The following CAMK4 variants were observed in gnomAD, a reference collection of about 807,000 sequenced individuals.
CAMK4 encodes calcium/calmodulin dependent protein kinase IV.
A neutral mutation model predicts 44.9 loss-of-function variants in CAMK4; 22 were observed. That is an observed-to-expected ratio of 0.49 (90% CI 0.35 to 0.70). The LOEUF is 0.70. Ranked by LOEUF, CAMK4 falls within the 30% of genes least tolerant of loss-of-function variation. CAMK4 has a pLI of 0.01. For missense variants in CAMK4, 498 were observed against 586.8 expected, an observed-to-expected ratio of 0.85 and a Z score of 1.56; for synonymous variants, 218 against 215.4, an observed-to-expected ratio of 1.01 and a Z score of -0.11.
In CAMK4 at chr5:111,405,281, A is replaced by C. The variant is rs535258020; in HGVS notation, c.459+10499A>C. On this transcript the variant is annotated intron_variant, in intron 5 of 10. Coordinates refer to ENST00000282356, the MANE Select transcript of CAMK4 (RefSeq NM_001744.6). ...TCAAGAAATTGAGACCATCCTGGCC[A>C]ACGTGGTGAAACCCCATCTCTACTA... 7.9e-5 allele frequency among the ~76,000 whole-genome samples: 12 copies of C among 152,316 alleles called. No homozygotes were observed. In the South Asian group the frequency reaches 2.3e-3, roughly 29 times the overall value.
intron 2 of CAMK4, among the ~76,000 whole-genome samples, chr5:111,364,527 T>A (rs1750716482): frequency 6.6e-6 from 1 of 152,108 alleles, no homozygotes; most frequent in African/African-American, 2.4e-5. Flanking sequence ...GTATTTAGAA[T>A]CTAAGAATGA....
At chr5:111,404,736 C>T (rs1403984959) in intron 5 of CAMK4, among the ~76,000 whole-genome samples, 7 of 152,250 alleles carry the variant, frequency 4.6e-5, no homozygotes, top group Admixed American at 2.0e-4. Flanking sequence ...TTTGACCTCC[C>T]GTCCCATCAT....
chr5:111,392,763 A>G (rs1156988961), intron 4 of CAMK4, among the ~76,000 whole-genome samples: 1 of 152,162 alleles, frequency 6.6e-6, no homozygotes, highest in African/African-American at 2.4e-5. Context: ...AATTAGAAAA[A>G]TACTACCTGC....
chr5:111,392,859 T>C (rs1751853230), intron 4 of CAMK4, among the ~76,000 whole-genome samples: 2 of 152,170 alleles, frequency 1.3e-5, no homozygotes, highest in South Asian at 2.1e-4. Flanking sequence ...TATTATATTA[T>C]ACTGGATAGT....
intron 1 of CAMK4, among the ~76,000 whole-genome samples, chr5:111,340,618 A>T (rs1749600431): frequency 6.6e-6 from 1 of 151,114 alleles, no homozygotes; most frequent in Non-Finnish European, 1.5e-5. Context: ...GTTTGCTAGT[A>T]TTTTGTTGAG....
intron 5 of CAMK4, among the ~76,000 whole-genome samples, chr5:111,418,393 A>G (rs1435489787): frequency 1.3e-5 from 2 of 152,178 alleles, no homozygotes; most frequent in Non-Finnish European, 2.9e-5. Flanking sequence ...TAAAATTGCT[A>G]ATGAAGTTTC....
intron 5 of CAMK4, among the ~76,000 whole-genome samples, chr5:111,417,133 C>T (rs1209838032): frequency 1.3e-5 from 2 of 151,988 alleles, no homozygotes; most frequent in Admixed American, 1.3e-4. Flanking sequence ...GCAGTCAGAG[C>T]TTACTGCAGC....
intron 5 of CAMK4, among the ~76,000 whole-genome samples, chr5:111,427,545 C>T (rs1753271969): frequency 6.6e-6 from 1 of 152,202 alleles, no homozygotes; most frequent in Non-Finnish European, 1.5e-5. Context: ...AGCACCAGGA[C>T]AGGTAACATT....
In CAMK4 at chr5:111,482,444, G is replaced by A. The variant is rs1323071001; in HGVS notation, c.829-341G>A. On this transcript the variant is annotated intron_variant, in intron 9 of 10. Transcript: ENST00000282356. The surrounding 1 kb of genome is among the most constrained non-coding windows in gnomAD (Gnocchi z 4.9). ...GTACTTTAAGTTCTGAATTCTAGGT[G>A]ATTGTGAAGCGCAGCCCAGAATTAT... 3.3e-5 allele frequency: 6 copies of A among 180,458 alleles called. No individual in the cohort carries two copies. Among genetic ancestry groups the A allele is most frequent in the Non-Finnish European group, 6.9e-5 (6 of 87,458 alleles). 11.2% of individuals were successfully genotyped at this position (180,458 alleles called of 1,614,324 possible).
At position 111,486,542 on chromosome 5, in the gene CAMK4, C is replaced by A. The variant is rs382909; in HGVS notation, c.*2076C>A. 6.8e-6 allele frequency: 1 copy of A among 147,244 alleles called. No individual in the cohort carries two copies. The highest frequency in any genetic ancestry group is 2.5e-5 in the African/African-American group (1 of 39,760). 9.1% of individuals were successfully genotyped at this position (147,244 alleles called of 1,614,324 possible). On this transcript the variant is annotated 3_prime_UTR_variant, in exon 11 of 11. Coordinates refer to ENST00000282356, the MANE Select transcript of CAMK4 (RefSeq NM_001744.6). The stretch of plus-strand genomic sequence containing the variant: ...ACACACACACACACACACACACACA[C>A]GTGTTGGAAGAGCAAAGAGAGGGAA...
intron 5 of CAMK4, among the ~76,000 whole-genome samples, chr5:111,426,187 G>A: frequency 6.6e-6 from 1 of 152,186 alleles, no homozygotes; most frequent in East Asian, 1.9e-4. Context: ...CTGACTTTGA[G>A]ATCTCACATA....
Position 111,290,852 on chromosome 5 carries a change from A to G in CAMK4, c.162-53172A>G, listed in dbSNP as rs559464657. The stretch of plus-strand genomic sequence containing the variant: ...CTCTTGGAGGTTTATTTAAAAGTGA[A>G]TATGTAAAACGTATGGAACCACATA... On this transcript the variant is annotated intron_variant, in intron 1 of 10. Transcript: ENST00000282356. This position sits in a 1 kb window ranked among gnomAD's most constrained non-coding sequence, Gnocchi z 4.5. Among the ~76,000 whole-genome samples the G allele has an allele frequency of 3.3e-5, 5 of 152,356 alleles. No individual in the cohort carries two copies. In the South Asian group the frequency reaches 1.0e-3, roughly 32 times the overall value.
intron 1 of CAMK4, among the ~76,000 whole-genome samples, chr5:111,270,362 A>G (rs912276009): frequency 6.6e-6 from 1 of 152,134 alleles, no homozygotes; most frequent in Admixed American, 6.5e-5. Context: ...ACATTCAACA[A>G]CTAAGCACCT....
intron 5 of CAMK4, among the ~76,000 whole-genome samples, chr5:111,445,137 C>T (rs1011743343): frequency 6.6e-6 from 1 of 152,126 alleles, no homozygotes; most frequent in African/African-American, 2.4e-5. Context: ...CTCAAATATT[C>T]AAGTGCTGGA....
intron 4 of CAMK4, among the ~76,000 whole-genome samples, chr5:111,388,008 G>A (rs1157188057): frequency 7.2e-5 from 11 of 152,162 alleles, no homozygotes; most frequent in Admixed American, 7.2e-4. Context: ...TAGCCTGAAT[G>A]GCAGCTCAAC....
intron 5 of CAMK4, among the ~76,000 whole-genome samples, chr5:111,435,151 A>G (rs1344757357): frequency 6.6e-6 from 1 of 152,128 alleles, no homozygotes; most frequent in African/African-American, 2.4e-5. Context: ...GCATTTTTTT[A>G]AAGACTAAAT....
intron 7 of CAMK4, among the ~76,000 whole-genome samples, chr5:111,462,488 A>G (rs1056241565): frequency 1.3e-5 from 2 of 152,182 alleles, no homozygotes; most frequent in Non-Finnish European, 2.9e-5. Context: ...ATATTTGATG[A>G]TTTCTTTAAT....
chr5:111,323,636 T>C (rs1748753421), intron 1 of CAMK4, among the ~76,000 whole-genome samples: 1 of 152,012 alleles, frequency 6.6e-6, no homozygotes, highest in Non-Finnish European at 1.5e-5. Context: ...ATAAAACCTG[T>C]CTTCCCAGAA....
intron 7 of CAMK4, among the ~76,000 whole-genome samples, chr5:111,459,281 G>A (rs1232661304): frequency 2.0e-5 from 3 of 152,108 alleles, no homozygotes; most frequent in Non-Finnish European, 4.4e-5. Flanking sequence ...AATTGTGATG[G>A]ATGTTGCAAG....
Sources: gnomAD v4.1 joint callset for allele counts (sites outside exome capture counted in the v4.1 genomes callset) on GRCh38, gnomAD v4.1.1 for gene constraint, Gnocchi (gnomAD v3.1) non-coding constraint, MANE v1.5 for transcripts, NCBI Gene and HGNC (gene_info 2026-07-23, HGNC 2026-07-21) for gene names.